Variants in WDR35 observed in about 807,000 individuals in gnomAD.
WDR35 encodes WD repeat-containing protein 35.
Under a neutral mutation model 158.3 loss-of-function variants are expected in WDR35, and 118 were observed. The observed-to-expected ratio is 0.75, with a 90% CI of 0.64 to 0.87. WDR35 has a LOEUF of 0.87. Among genes scored for constraint, WDR35 ranks in the 40% least tolerant of loss-of-function variants. The probability of loss-of-function intolerance (pLI) is 0.00; values close to 1 mark genes in which losing one functional copy is unlikely to be tolerated. For missense variants in WDR35, 1,263 were observed against 1,405.8 expected (o/e 0.90, Z 1.62); for synonymous variants, 448 against 476.1 (o/e 0.94, Z 0.77).
At chr2:19,946,132 T>G in intron 15 of WDR35, 136 bp from the exon 16 acceptor site, 1 of 968,144 alleles carries the variant, frequency 1.0e-6, no homozygotes, top group Non-Finnish European at 1.5e-6. Flanking sequence ...TGGCTTAAAA[T>G]TTTGTTAAAT....
rs1412263779 is a variant in WDR35, at chr2:19,971,441, C to T, written c.883-1836G>A. ...CTGTTGCACTCTCTTTGCCCTTCTT[C>T]CTTCCACCATGAAATTATGCAGCAG... On this transcript the variant is annotated intron_variant, in intron 8 of 26. Transcript: ENST00000281405. 5.9e-5 allele frequency among the ~76,000 whole-genome samples: 9 copies of T among 152,306 alleles called. No homozygotes were observed. In the South Asian group the frequency reaches 1.9e-3, roughly 32 times the overall value.
chr2:19,979,437 A>C (rs1256432776), intron 4 of WDR35, among the ~76,000 whole-genome samples: 4 of 152,238 alleles, frequency 2.6e-5, no homozygotes, highest in African/African-American at 4.8e-5. Context: ...AATTCTAATC[A>C]GTTTATACTA....
chr2:19,932,463 C>T lies in WDR35; in HGVS notation c.2659-16G>A. The T allele has an allele frequency of 6.2e-7, 1 of 1,612,952 alleles. No individual in the cohort carries two copies. The highest frequency in any genetic ancestry group is 8.5e-7 in the Non-Finnish European group (1 of 1,179,346). On this transcript the variant is annotated splice_polypyrimidine_tract_variant and intron_variant, in intron 22 of 26. Transcript: ENST00000281405. ...CTTTGTTCCACTAGGAGAAAAATTA[C>T]ACCATTCAGTCACCCAAGTATTTAC... is the stretch of plus-strand genomic sequence containing the variant.
chr2:19,917,338 T>A (rs1478633530), intron 25 of WDR35, among the ~76,000 whole-genome samples: 1 of 152,172 alleles, frequency 6.6e-6, no homozygotes, highest in Non-Finnish European at 1.5e-5. Context: ...CCTCTTCTCC[T>A]ACAAAGGATC....
intron 12 of WDR35, 101 bp downstream of exon 12, chr2:19,953,733 T>C: frequency 6.8e-7 from 1 of 1,468,242 alleles, no homozygotes; most frequent in South Asian, 1.1e-5. Context: ...TTTCTACTAA[T>C]CAAGACACTA....
chr2:19,945,570 G>A (rs1403433951), intron 16 of WDR35, among the ~76,000 whole-genome samples: 1 of 152,122 alleles, frequency 6.6e-6, no homozygotes, highest in African/African-American at 2.4e-5. Flanking sequence ...GTACCTTTCA[G>A]AGAAAGTAGA....
intron 10 of WDR35, 112 bp downstream of exon 10, chr2:19,966,612 A>G: frequency 7.9e-7 from 1 of 1,264,832 alleles, no homozygotes; most frequent in Non-Finnish European, 1.1e-6. Context: ...TAGTGCCAAC[A>G]GACCCAATGT....
At chr2:19,941,960 A>C in intron 16 of WDR35, 121 bp from the exon 17 acceptor site, 1 of 658,644 alleles carries the variant, frequency 1.5e-6, no homozygotes, top group South Asian at 1.7e-5. Flanking sequence ...TGTCATTAAC[A>C]CCCATATACC....
intron 25 of WDR35, among the ~76,000 whole-genome samples, chr2:19,919,393 A>G (rs544216713): frequency 1.6e-5 from 2 of 126,336 alleles, no homozygotes; most frequent in Non-Finnish European, 3.5e-5. Context: ...AAAAAAAAAA[A>G]AAAAAGAAAA....
intron 17 of WDR35, among the ~76,000 whole-genome samples, chr2:19,939,243 A>T (rs1210820623): frequency 2.6e-5 from 4 of 152,234 alleles, no homozygotes; most frequent in Non-Finnish European, 5.9e-5. Flanking sequence ...AACTATTAAG[A>T]CTAAACAACT....
intron 21 of WDR35, among the ~76,000 whole-genome samples, chr2:19,933,801 C>G (rs1050147940): frequency 6.6e-6 from 1 of 152,134 alleles, no homozygotes; most frequent in South Asian, 2.1e-4. Context: ...ACAGAAATGT[C>G]AAGCTCCAAA....
At chr2:19,988,787 T>A (rs576610035) in intron 2 of WDR35, among the ~76,000 whole-genome samples, 2 of 152,302 alleles carry the variant, frequency 1.3e-5, no homozygotes, top group South Asian at 4.1e-4. Flanking sequence ...CATTAATGCA[T>A]CTGATAAGCA....
At chr2:19,961,489 A>G (rs1671656551) in intron 10 of WDR35, among the ~76,000 whole-genome samples, 1 of 152,234 alleles carries the variant, frequency 6.6e-6, no homozygotes, top group African/African-American at 2.4e-5. Context: ...TCAGCTGCAC[A>G]CAGGAGCAGA....
Position 19,936,486 on chromosome 2 carries a change from C to T in WDR35, c.2268-121G>A, listed in dbSNP as rs1214932554. 18 of 1,444,734 alleles carry T rather than the reference C, an allele frequency of 1.2e-5. 1 individual carries two copies. The highest frequency in any genetic ancestry group is 7.0e-5 in the African/African-American group (5 of 71,864). 89.5% of individuals were successfully genotyped at this position (1,444,734 alleles called of 1,614,324 possible). ...ACACAGCAGTGGACAATGTGACTCT[C>T]CAAACACTTTAGGAACTTAGCCTGA... On this transcript the variant is annotated intron_variant, in intron 19 of 26. Coordinates refer to ENST00000281405, the MANE Select transcript of WDR35 (RefSeq NM_020779.4).
intron 11 of WDR35, 96 bp from the exon 12 acceptor site, chr2:19,954,074 A>T (rs1025115562): frequency 7.1e-7 from 1 of 1,407,418 alleles, no homozygotes; most frequent in Non-Finnish European, 1.0e-6. Flanking sequence ...TCAACCCCTC[A>T]TTTTATAGAC....
chr2:19,989,249 C>T lies in WDR35; in HGVS notation c.58G>A (p.Val20Ile), dbSNP rs1672667582. The T allele has an allele frequency of 1.2e-6, 2 of 1,614,210 alleles. No homozygotes were observed. The highest frequency in any genetic ancestry group is 2.2e-5 in the East Asian group (1 of 44,882). ...SIPNNVKLQC[V>I]SWNKEQGFIA... ...AACCCTTGTTCCTTGTTCCAGGATACACACTGCAGCTTCACGTTATTGGGA... is the reference window on the plus strand; with the variant it reads ...AACCCTTGTTCCTTGTTCCAGGATATACACTGCAGCTTCACGTTATTGGGA... Residue 20 changes from valine (V) to isoleucine (I), a missense_variant, in exon 2 of 27, where the codon GTA becomes ATA. Coordinates refer to ENST00000281405, the MANE Select transcript of WDR35 (RefSeq NM_020779.4).
intron 13 of WDR35, among the ~76,000 whole-genome samples, chr2:19,949,850 G>A (rs972625507): frequency 5.9e-5 from 9 of 152,232 alleles, no homozygotes; most frequent in Non-Finnish European, 8.8e-5. Flanking sequence ...ATGAGTTCTC[G>A]TGATTCTTGC....
intron 2 of WDR35, 69 bp downstream of exon 2, chr2:19,989,096 G>A (rs1183116545): frequency 7.6e-7 from 1 of 1,312,778 alleles, no homozygotes; most frequent in African/African-American, 1.4e-5. Context: ...CAGATAACAT[G>A]AGTAGACCGC....
At chr2:19,950,445 G>A (rs943690194) in intron 13 of WDR35, among the ~76,000 whole-genome samples, 2 of 152,132 alleles carry the variant, frequency 1.3e-5, no homozygotes, top group Non-Finnish European at 2.9e-5. Flanking sequence ...AGCTACGAAA[G>A]GAGGAAGAGA....
Sources: allele counts gnomAD v4.1 joint callset (sites outside exome capture counted in the v4.1 genomes callset), GRCh38; gene constraint gnomAD v4.1.1; transcripts MANE v1.5; gene names NCBI Gene and HGNC (gene_info 2026-07-23, HGNC 2026-07-21).